The following REC114 variants were observed in gnomAD, a reference collection of about 807,000 sequenced individuals.
The protein encoded by REC114 is REC114 meiotic recombination protein.
A neutral mutation model predicts 31.3 loss-of-function variants in REC114; 27 were observed. The ratio of observed to expected loss-of-function variants is 0.86; its 90% confidence interval spans 0.64 to 1.19. The LOEUF is 1.19. REC114 is among the 50% of genes most tolerant of loss of function. The pLI is 0.00. For missense variants in REC114, 344 were observed against 326.9 expected, an observed-to-expected ratio of 1.05 and a Z score of -0.40; for synonymous variants, 134 against 127.7, an observed-to-expected ratio of 1.05 and a Z score of -0.33.
intron 3 of REC114, among the ~76,000 whole-genome samples, chr15:73,546,195 A>G (rs964248050): frequency 2.0e-5 from 3 of 152,208 alleles, no homozygotes; most frequent in Admixed American, 1.3e-4. Context: ...TTAAAAAACT[A>G]TGTTAACCTA....
chr15:73,505,864 G>A (rs1893669238), intron 2 of REC114, among the ~76,000 whole-genome samples: 1 of 152,172 alleles, frequency 6.6e-6, no homozygotes, highest in South Asian at 2.1e-4. Context: ...GTTATAGTTG[G>A]TAGAACATTT....
chr15:73,475,798 A>T (rs925407041), intron 2 of REC114, among the ~76,000 whole-genome samples: 1 of 152,226 alleles, frequency 6.6e-6, no homozygotes, highest in Non-Finnish European at 1.5e-5. Flanking sequence ...TACAGTGTTT[A>T]TAAAGTCTAC....
chr15:73,530,500 T>G (rs1040470096), intron 2 of REC114, among the ~76,000 whole-genome samples: 5 of 152,054 alleles, frequency 3.3e-5, no homozygotes, highest in African/African-American at 1.2e-4. Flanking sequence ...AATTTAAAAT[T>G]AGCTGGGCAT....
intron 5 of REC114, among the ~76,000 whole-genome samples, chr15:73,557,836 T>C (rs1320946676): frequency 1.3e-5 from 2 of 152,260 alleles, no homozygotes; most frequent in East Asian, 3.8e-4. Context: ...CTTTTGGACA[T>C]GTCATTCTAT....
Position 73,473,898 on chromosome 15 carries a change from AT to A in REC114, c.230del (p.Phe77SerfsTer19). The A allele has an allele frequency of 6.3e-7, 1 of 1,583,288 alleles. No individual in the cohort carries two copies. Among genetic ancestry groups the A allele is most frequent in the Non-Finnish European group, 8.6e-7 (1 of 1,161,068 alleles). On this transcript the variant is annotated frameshift_variant, in exon 2 of 6. Coordinates refer to ENST00000331090, the MANE Select transcript of REC114 (RefSeq NM_001042367.2). LOFTEE classifies it high-confidence loss of function. ...CATAGTTATATCAGGTCATTTCTTC[AT>A]TTTCCAAGGACAGACACTACTGGTA... ...LTIVISGHFFIFQGQTLLEGF... is the reference protein window; with the variant it reads ...LTIVISGHFFXFQGQTLLEGF...
intron 2 of REC114, among the ~76,000 whole-genome samples, chr15:73,524,026 AG>A (rs1269987585): frequency 1.3e-5 from 2 of 152,226 alleles, no homozygotes; most frequent in Non-Finnish European, 2.9e-5. Context: ...AAAAGTTCAT[AG>A]AAAGTATATT....
At chr15:73,483,327 T>C in intron 2 of REC114, 1 of 155,018 alleles carries the variant, frequency 6.5e-6, no homozygotes, top group Non-Finnish European at 1.4e-5. Flanking sequence ...CTTCAGCTTT[T>C]GAGTCTCTTG....
At position 73,486,747 on chromosome 15, in the gene REC114, T is replaced by C. The variant is rs555377064; in HGVS notation, c.249+12826T>C. 5.3e-5 allele frequency among the ~76,000 whole-genome samples: 8 copies of C among 152,152 alleles called. No individual in the cohort carries two copies. In the South Asian group the frequency reaches 1.7e-3, roughly 32 times the overall value. On this transcript the variant is annotated intron_variant, in intron 2 of 5. Coordinates refer to ENST00000331090, the MANE Select transcript of REC114 (RefSeq NM_001042367.2). ...ATACAGAAGAACATAAGAGAGGTAC[T>C]CTATTCTGGCTGGGCGCAGTGGCTC...
At chr15:73,517,521 G>T (rs894056537) in intron 2 of REC114, among the ~76,000 whole-genome samples, 36 of 152,106 alleles carry the variant, frequency 2.4e-4, no homozygotes, top group African/African-American at 8.5e-4. Flanking sequence ...TAGAAGTGAG[G>T]GGGGGAAAGA....
chr15:73,469,585 G>A (rs879398407), intron 1 of REC114, among the ~76,000 whole-genome samples: 1 of 150,956 alleles, frequency 6.6e-6, no homozygotes, highest in Non-Finnish European at 1.5e-5. Context: ...GTGTACCACC[G>A]TGCCTGGCTA....
intron 1 of REC114, among the ~76,000 whole-genome samples, chr15:73,460,512 G>A (rs1892975952): frequency 6.6e-6 from 1 of 152,148 alleles, no homozygotes; most frequent in Non-Finnish European, 1.5e-5. Flanking sequence ...AAAGTAAGGT[G>A]TTTCCTTAAC....
chr15:73,533,939 T>TG (rs1237815009), intron 2 of REC114, among the ~76,000 whole-genome samples: 10 of 81,778 alleles, frequency 1.2e-4, no homozygotes, highest in African/African-American at 5.4e-4. Flanking sequence ...GAATGACTAC[T>TG]GGGTACATAA....
chr15:73,451,600 A>T (rs1030944619), intron 1 of REC114, among the ~76,000 whole-genome samples: 1 of 152,202 alleles, frequency 6.6e-6, no homozygotes, highest in African/African-American at 2.4e-5. Flanking sequence ...TAAACAATAT[A>T]AAAAGAGGGA....
At chr15:73,473,245 C>T (rs140159717) in intron 1 of REC114, among the ~76,000 whole-genome samples, 8,918 of 151,958 alleles carry the variant, frequency 0.059, 365 homozygotes, top group Middle Eastern at 0.088. Flanking sequence ...AAAAATTAAC[C>T]GGGCATGGTG....
chr15:73,534,117 A>T (rs1894123123), intron 2 of REC114, among the ~76,000 whole-genome samples: 1 of 148,040 alleles, frequency 6.8e-6, no homozygotes, highest in Admixed American at 6.8e-5. Flanking sequence ...CTAACATCAC[A>T]ATTAAAAGAA....
chr15:73,473,977 T>C lies in REC114; in HGVS notation c.249+56T>C, dbSNP rs1555485925. On this transcript the variant is annotated intron_variant, in intron 2 of 5. Coordinates refer to ENST00000331090, the MANE Select transcript of REC114 (RefSeq NM_001042367.2). ...AAATACATCTTTGTCTTCTTAGCTTTACATGAATTTTTGTATCCTCAAGCT... is the reference window on the plus strand; with the variant it reads ...AAATACATCTTTGTCTTCTTAGCTTCACATGAATTTTTGTATCCTCAAGCT... 3 of 1,176,706 alleles carry C rather than the reference T, an allele frequency of 2.5e-6. No homozygotes were observed. The South Asian group carries it at 4.1e-5, about 16-fold the overall frequency. 72.9% of individuals were successfully genotyped at this position (1,176,706 alleles called of 1,614,324 possible).
chr15:73,528,079 T>C (rs1894030242), intron 2 of REC114, among the ~76,000 whole-genome samples: 1 of 152,134 alleles, frequency 6.6e-6, no homozygotes, highest in Admixed American at 6.5e-5. Context: ...AAAACCCTCA[T>C]TGTAATCTTT....
intron 2 of REC114, among the ~76,000 whole-genome samples, chr15:73,505,429 C>T (rs777704315): frequency 1.3e-5 from 2 of 152,158 alleles, no homozygotes; most frequent in African/African-American, 4.8e-5. Context: ...TTTTTCTACG[C>T]ATCCCTTTGG....
intron 4 of REC114, among the ~76,000 whole-genome samples, chr15:73,555,070 T>C (rs1894446126): frequency 6.6e-6 from 1 of 152,252 alleles, no homozygotes; most frequent in Non-Finnish European, 1.5e-5. Flanking sequence ...CCTTCCTCAC[T>C]GTACCTCCAC....
Sources: gnomAD v4.1 joint callset for allele counts (sites outside exome capture counted in the v4.1 genomes callset) on GRCh38, gnomAD v4.1.1 for gene constraint, MANE v1.5 for transcripts, NCBI Gene and HGNC (gene_info 2026-07-23, HGNC 2026-07-21) for gene names.